ATXN10: variants seen among roughly 807,000 people sequenced by gnomAD.
ATXN10 encodes the protein ataxin 10, also known as ataxin-10.
Under a neutral mutation model 52.9 loss-of-function variants are expected in ATXN10, and 28 were observed. That is an observed-to-expected ratio of 0.53 (90% CI 0.39 to 0.73). ATXN10 has a LOEUF of 0.73. Ranked by LOEUF, ATXN10 falls within the 30% of genes least tolerant of loss-of-function variation. The pLI is 0.00. For missense variants in ATXN10, 565 were observed against 577.0 expected, an observed-to-expected ratio of 0.98 and a Z score of 0.21; for synonymous variants, 226 against 221.5, an observed-to-expected ratio of 1.02 and a Z score of -0.18.
chr22:45,805,034 A>G lies in ATXN10; in HGVS notation c.1174-1925A>G, dbSNP rs866669696. Reference sequence around the variant, plus strand: ...CACATTCACAGCCATATAGCAGTCTACTGTGTTTGTACCGTAGTTTATGTA... The same window carrying G: ...CACATTCACAGCCATATAGCAGTCTGCTGTGTTTGTACCGTAGTTTATGTA... On this transcript the variant is annotated intron_variant, in intron 9 of 11. Coordinates refer to ENST00000252934, the MANE Select transcript of ATXN10 (RefSeq NM_013236.4). This position sits in a 1 kb window ranked among gnomAD's most constrained non-coding sequence, Gnocchi z 4.4. Among the ~76,000 whole-genome samples, 2 of 152,206 alleles carry G rather than the reference A, an allele frequency of 1.3e-5. No homozygotes were observed. Among genetic ancestry groups the G allele is most frequent in the African/African-American group, 2.4e-5 (1 of 41,452 alleles).
Position 45,678,231 on chromosome 22 carries a change from TTA to T in ATXN10, c.116+6060_116+6061del, listed in dbSNP as rs1435815504. The T allele has an allele frequency of 6.6e-6, 1 of 152,180 alleles. No individual in the cohort carries two copies. Among genetic ancestry groups the T allele is most frequent in the Non-Finnish European group, 1.5e-5 (1 of 68,036 alleles). 9.4% of individuals were successfully genotyped at this position (152,180 alleles called of 1,614,324 possible). A position where few individuals can be genotyped will look rare whatever the true frequency, so the allele number is the denominator to read the frequency against. On this transcript the variant is annotated intron_variant, in intron 1 of 11. Coordinates refer to ENST00000252934, the MANE Select transcript of ATXN10 (RefSeq NM_013236.4). The surrounding 1 kb of genome is among the most constrained non-coding windows in gnomAD (Gnocchi z 4.1). ...AATGAACAACATGGCAAATTTTATGTTATATATATGTATTTTACCACAGTTAA... is the reference window on the plus strand; with the variant it reads ...AATGAACAACATGGCAAATTTTATGTTATATATGTATTTTACCACAGTTAA...
chr22:45,819,030 A>G lies in ATXN10; in HGVS notation c.1237+12008A>G, dbSNP rs1474925480. 6.6e-6 allele frequency among the ~76,000 whole-genome samples: 1 copy of G among 152,120 alleles called. No individual in the cohort carries two copies. Among genetic ancestry groups the G allele is most frequent in the Non-Finnish European group, 1.5e-5 (1 of 68,028 alleles). Reference sequence around the variant, plus strand: ...AAATAATTTCACCTTAATCGTCACTATTCTAGACCAGTTGTAAGCTTACTA... The same window carrying G: ...AAATAATTTCACCTTAATCGTCACTGTTCTAGACCAGTTGTAAGCTTACTA... On this transcript the variant is annotated intron_variant, in intron 10 of 11. Transcript: ENST00000252934. This position sits in a 1 kb window ranked among gnomAD's most constrained non-coding sequence, Gnocchi z 4.5.
At chr22:45,778,773 G>A (rs1927047321) in intron 9 of ATXN10, among the ~76,000 whole-genome samples, 1 of 152,108 alleles carries the variant, frequency 6.6e-6, no homozygotes, top group Admixed American at 6.5e-5. Flanking sequence ...TGGCTCACAT[G>A]GAAAAGATGA....
chr22:45,737,856 G>A (rs966570635), intron 7 of ATXN10, among the ~76,000 whole-genome samples: 1 of 151,712 alleles, frequency 6.6e-6, no homozygotes, highest in Non-Finnish European at 1.5e-5. Context: ...CCACCACCAA[G>A]CGTGGCTAAT....
At chr22:45,749,303 A>C (rs1302907537) in intron 9 of ATXN10, among the ~76,000 whole-genome samples, 3 of 152,134 alleles carry the variant, frequency 2.0e-5, no homozygotes, top group African/African-American at 7.2e-5. Flanking sequence ...AGCGTAGAGT[A>C]GTTACTTGCT....
intron 3 of ATXN10, among the ~76,000 whole-genome samples, chr22:45,699,637 G>A (rs1443186334): frequency 6.6e-6 from 1 of 150,696 alleles, no homozygotes; most frequent in East Asian, 1.9e-4. Flanking sequence ...GATTACAGAC[G>A]CCTTCCACCA....
intron 10 of ATXN10, among the ~76,000 whole-genome samples, chr22:45,813,560 C>T (rs987215136): frequency 6.6e-5 from 10 of 151,332 alleles, no homozygotes; most frequent in African/African-American, 2.4e-4. Flanking sequence ...GTAGTTTTCC[C>T]GGTAATCCTA....
At chr22:45,834,528 A>G (rs1397838427) in intron 10 of ATXN10, among the ~76,000 whole-genome samples, 1 of 152,186 alleles carries the variant, frequency 6.6e-6, no homozygotes, top group Admixed American at 6.5e-5. Flanking sequence ...GCTCCCCCAC[A>G]ACTGTCTCCT....
rs1924009495 is a variant in ATXN10 at position 45,705,621 on chromosome 22, A to T, written c.647+2774A>T. ...CTAATTTTTTTTGTATTTTTAGTAG[A>T]GACGGGGTTTCACCATCTTGGCCAG... is the stretch of plus-strand genomic sequence containing the variant. On this transcript the variant is annotated intron_variant, in intron 5 of 11. Coordinates refer to ENST00000252934, the MANE Select transcript of ATXN10 (RefSeq NM_013236.4). The surrounding 1 kb of genome is among the most constrained non-coding windows in gnomAD (Gnocchi z 5.2). 6.6e-6 allele frequency among the ~76,000 whole-genome samples: 1 copy of T among 152,010 alleles called. No homozygotes were observed. The highest frequency in any genetic ancestry group is 6.5e-5 in the Admixed American group (1 of 15,272).
chr22:45,820,262 G>A lies in ATXN10; in HGVS notation c.1237+13240G>A, dbSNP rs552235691. Among the ~76,000 whole-genome samples the A allele has an allele frequency of 2.0e-5, 3 of 152,318 alleles. No homozygotes were observed. The highest frequency in any genetic ancestry group is 2.9e-5 in the Non-Finnish European group (2 of 68,024). On this transcript the variant is annotated intron_variant, in intron 10 of 11. Coordinates refer to ENST00000252934, the MANE Select transcript of ATXN10 (RefSeq NM_013236.4). The surrounding 1 kb of genome is among the most constrained non-coding windows in gnomAD (Gnocchi z 4.9). ...AGGAAATGAAAAGGCCGTGTGCTAC[G>A]GTGGGACCACCAACCTAAGGAAGAT...
chr22:45,746,812 A>G (rs1318594859), intron 9 of ATXN10, among the ~76,000 whole-genome samples: 1 of 152,128 alleles, frequency 6.6e-6, no homozygotes, highest in African/African-American at 2.4e-5. Context: ...CACTCTACCT[A>G]TAATCAGTTT....
rs1424769973 is a variant in ATXN10, at chr22:45,780,170, A to C, written c.1174-26789A>C. On this transcript the variant is annotated intron_variant, in intron 9 of 11. Transcript: ENST00000252934. The surrounding 1 kb of genome is among the most constrained non-coding windows in gnomAD (Gnocchi z 4.0). ...ACGATCTTGGTTCACTGCAACCTCC[A>C]CCTCCCAGGTTCAAGCGATTACCCT... 6.7e-6 allele frequency among the ~76,000 whole-genome samples: 1 copy of C among 150,218 alleles called. No homozygotes were observed. Among genetic ancestry groups the C allele is most frequent in the East Asian group, 2.0e-4 (1 of 5,110 alleles).
rs1048588611 is a variant in ATXN10, at chr22:45,688,516, G to A, written c.117-1196G>A. The stretch of plus-strand genomic sequence containing the variant: ...ATAATGTGAGTTCTATTGTCTGTTC[G>A]TAAGATAAAAACACACATCACTTGG... On this transcript the variant is annotated intron_variant, in intron 1 of 11. Transcript: ENST00000252934. This position sits in a 1 kb window ranked among gnomAD's most constrained non-coding sequence, Gnocchi z 4.0. Among the ~76,000 whole-genome samples, 5 of 152,158 alleles carry A rather than the reference G, an allele frequency of 3.3e-5. No homozygotes were observed. Among genetic ancestry groups the A allele is most frequent in the African/African-American group, 9.7e-5 (4 of 41,436 alleles).
At chr22:45,801,921 C>G (rs973640472) in intron 9 of ATXN10, among the ~76,000 whole-genome samples, 1 of 152,100 alleles carries the variant, frequency 6.6e-6, no homozygotes, top group African/African-American at 2.4e-5. Flanking sequence ...TGGGTATGGC[C>G]CTCTTGTTTC....
rs1209360669 is a variant in ATXN10, at chr22:45,688,099, G to A, written c.117-1613G>A. The stretch of plus-strand genomic sequence containing the variant: ...GTGAGTATTCTTCCATTCTTCTTAC[G>A]GCAATGCTGTCACTAAAAAATGGCT... On this transcript the variant is annotated intron_variant, in intron 1 of 11. Coordinates refer to ENST00000252934, the MANE Select transcript of ATXN10 (RefSeq NM_013236.4). The surrounding 1 kb of genome is among the most constrained non-coding windows in gnomAD (Gnocchi z 4.0). Among the ~76,000 whole-genome samples the A allele has an allele frequency of 1.3e-5, 2 of 152,052 alleles. No homozygotes were observed. The highest frequency in any genetic ancestry group is 2.1e-4 in the South Asian group (1 of 4,816).
chr22:45,739,755 T>C (rs1243517630), intron 8 of ATXN10, among the ~76,000 whole-genome samples: 1 of 152,258 alleles, frequency 6.6e-6, no homozygotes, highest in African/African-American at 2.4e-5. Flanking sequence ...GTTGAGAGGG[T>C]TAAATGAGAT....
rs958484324 is a variant in ATXN10, at chr22:45,754,276, T to C, written c.1173+13738T>C. On this transcript the variant is annotated intron_variant, in intron 9 of 11. Coordinates refer to ENST00000252934, the MANE Select transcript of ATXN10 (RefSeq NM_013236.4). This position sits in a 1 kb window ranked among gnomAD's most constrained non-coding sequence, Gnocchi z 5.4. ...TAAATTCTAGGATATTCTTGCTTTC[T>C]ACCCAGGCAACACCTCACATGTTGA... is the stretch of plus-strand genomic sequence containing the variant. 5.9e-5 allele frequency among the ~76,000 whole-genome samples: 9 copies of C among 152,260 alleles called. No homozygotes were observed. Among genetic ancestry groups the C allele is most frequent in the African/African-American group, 2.2e-4 (9 of 41,466 alleles).
rs1923308901 is a variant in ATXN10 at position 45,690,005 on chromosome 22, G to T, written c.308+102G>T. On this transcript the variant is annotated intron_variant, in intron 2 of 11. Transcript: ENST00000252934. The surrounding 1 kb of genome is among the most constrained non-coding windows in gnomAD (Gnocchi z 4.5). ...AAGTTGTTTTGGGCTGGGTAAGGTG[G>T]CTCATGCCTGTAATCCCAGCATTTT... The T allele has an allele frequency of 8.2e-7, 1 of 1,217,748 alleles. No individual in the cohort carries two copies. The highest frequency in any genetic ancestry group is 1.5e-5 in the African/African-American group (1 of 66,856). 75.4% of individuals were successfully genotyped at this position (1,217,748 alleles called of 1,614,324 possible).
chr22:45,721,667 G>C (rs1406913612), intron 6 of ATXN10, among the ~76,000 whole-genome samples: 1 of 152,236 alleles, frequency 6.6e-6, no homozygotes, highest in East Asian at 1.9e-4. Flanking sequence ...TGACCTTGCC[G>C]TTTTCTCCAG....
Sources: allele counts gnomAD v4.1 joint callset (sites outside exome capture counted in the v4.1 genomes callset), GRCh38; gene constraint gnomAD v4.1.1; non-coding constraint Gnocchi (gnomAD v3.1); transcripts MANE v1.5; gene names NCBI Gene and HGNC (gene_info 2026-07-23, HGNC 2026-07-21).